The following KCNG2 variants were observed in gnomAD, a reference collection of about 807,000 sequenced individuals.
KCNG2 encodes the protein potassium voltage-gated channel modifier subfamily G member 2, also known as voltage-gated potassium channel regulatory subunit KCNG2.
In KCNG2, 7 loss-of-function variants were observed where a neutral mutation model predicts 12.3. The observed-to-expected ratio is 0.57, with a 90% CI of 0.32 to 1.07. The LOEUF (loss-of-function observed/expected upper bound fraction) is 1.07. Ranked by LOEUF, KCNG2 falls within the 50% of genes least tolerant of loss-of-function variation. The pLI, the probability that KCNG2 is intolerant of heterozygous loss-of-function variation, is 0.04. For missense variants in KCNG2, 703 were observed against 726.0 expected, an observed-to-expected ratio of 0.97 and a Z score of 0.36; for synonymous variants, 414 against 351.4, an observed-to-expected ratio of 1.18 and a Z score of -1.99.
At chr18:79,881,970 C>G (rs1324406952) in intron 3 of KCNG2, among the ~76,000 whole-genome samples, 1 of 151,922 alleles carries the variant, frequency 6.6e-6, no homozygotes, top group African/African-American at 2.4e-5. Context: ...ATCGTCTTTT[C>G]AACAAATGGG....
chr18:79,851,602 G>C (rs1452164503), intron 1 of KCNG2, among the ~76,000 whole-genome samples: 2 of 140,832 alleles, frequency 1.4e-5, no homozygotes, highest in Non-Finnish European at 3.2e-5. Context: ...GTGTGTGCAT[G>C]TGCGGGTGTG....
chr18:79,882,142 G>A (rs1446356341), intron 3 of KCNG2, among the ~76,000 whole-genome samples: 2 of 152,224 alleles, frequency 1.3e-5, no homozygotes, highest in African/African-American at 4.8e-5. Context: ...TGGAGAGTAA[G>A]GAAGGAGTTC....
In KCNG2 at chr18:79,899,889, G is replaced by A. The variant is rs1599448537; in HGVS notation, c.*73G>A. On this transcript the variant is annotated 3_prime_UTR_variant, in exon 4 of 4. Coordinates refer to ENST00000316249, the MANE Select transcript of KCNG2 (RefSeq NM_012283.2). ...GTCGGGACCCCCGAGGTGCGCCAAG[G>A]GGTGGGGGGCGTCTGGCCTGGGGGA... The A allele has an allele frequency of 8.0e-7, 1 of 1,255,878 alleles. No individual in the cohort carries two copies. Among genetic ancestry groups the A allele is most frequent in the East Asian group, 3.3e-5 (1 of 30,136 alleles). 77.8% of individuals were successfully genotyped at this position (1,255,878 alleles called of 1,614,324 possible). A position where few individuals can be genotyped will look rare whatever the true frequency, so the allele number is the denominator to read the frequency against.
At position 79,822,040 on chromosome 18, in the gene KCNG2, C is replaced by T. The variant is rs960347279; in HGVS notation, c.-115+24026C>T. On this transcript the variant is annotated intron_variant, in intron 1 of 3. Transcript: ENST00000316249. The surrounding 1 kb of genome is among the most constrained non-coding windows in gnomAD (Gnocchi z 4.4). ...TGGGTTTGTTGTGAGGAAATCCCAG[C>T]ACTGATATTTGGGGCTGGGATGTGA... 6.6e-6 allele frequency among the ~76,000 whole-genome samples: 1 copy of T among 152,168 alleles called. No homozygotes were observed. The highest frequency in any genetic ancestry group is 1.5e-5 in the Non-Finnish European group (1 of 68,028).
chr18:79,814,502 C>G (rs2087514322), intron 1 of KCNG2, among the ~76,000 whole-genome samples: 1 of 152,210 alleles, frequency 6.6e-6, no homozygotes, highest in Non-Finnish European at 1.5e-5. Flanking sequence ...TAATCAGACT[C>G]TGCCATTCCA....
intron 1 of KCNG2, among the ~76,000 whole-genome samples, chr18:79,850,840 C>G (rs1042771598): frequency 6.6e-6 from 1 of 152,220 alleles, no homozygotes; most frequent in Non-Finnish European, 1.5e-5. Flanking sequence ...AGTAAGAACT[C>G]AAACGCACGT....
rs1443900913 is a variant in KCNG2 at position 79,803,488 on chromosome 18, A to G, written c.-115+5474A>G. Among the ~76,000 whole-genome samples, 10 of 152,266 alleles carry G rather than the reference A, an allele frequency of 6.6e-5. No individual in the cohort carries two copies. The highest frequency in any genetic ancestry group is 1.7e-4 in the African/African-American group (7 of 41,474). On this transcript the variant is annotated intron_variant, in intron 1 of 3. Transcript: ENST00000316249. The surrounding 1 kb of genome is among the most constrained non-coding windows in gnomAD (Gnocchi z 4.5). ...TGGCTTCTTTAATACTTGCCAAATT[A>G]GAAACGGAAACATTCTAGGGTGAAG...
intron 3 of KCNG2, among the ~76,000 whole-genome samples, chr18:79,866,815 T>TGCTGAGGCCTGG (rs1979595461): frequency 7.2e-5 from 1 of 13,966 alleles, no homozygotes; most frequent in Non-Finnish European, 4.2e-4. Flanking sequence ...TGTGTGTCTG[T>TGCTGAGGCCTGG]GTGCTGAGAG....
chr18:79,856,745 C>A (rs1036124522), intron 2 of KCNG2, among the ~76,000 whole-genome samples: 1 of 152,110 alleles, frequency 6.6e-6, no homozygotes, highest in African/African-American at 2.4e-5. Context: ...CGCTAGGCTT[C>A]TTCGACAAAC....
intron 1 of KCNG2, among the ~76,000 whole-genome samples, chr18:79,815,763 TCCTGTCC>T (rs1395104281): frequency 6.6e-6 from 1 of 152,218 alleles, no homozygotes; most frequent in African/African-American, 2.4e-5. Context: ...AGCGTGAGTG[TCCTGTCC>T]CCTGTCCCCT....
intron 3 of KCNG2, among the ~76,000 whole-genome samples, chr18:79,891,238 A>AT (rs1035118866): frequency 3.4e-5 from 5 of 148,610 alleles, no homozygotes; most frequent in East Asian, 2.0e-4. Flanking sequence ...TTTATTTTTT[A>AT]TTTTTTTTTC....
chr18:79,808,017 C>T (rs868140049), intron 1 of KCNG2, among the ~76,000 whole-genome samples: 3 of 126,332 alleles, frequency 2.4e-5, no homozygotes, highest in Admixed American at 7.6e-5. Flanking sequence ...TGAGGAGCTG[C>T]CGGGGCCGCG....
chr18:79,882,839 C>T, intron 3 of KCNG2, among the ~76,000 whole-genome samples: 1 of 151,118 alleles, frequency 6.6e-6, no homozygotes, highest in South Asian at 2.1e-4. Context: ...CCGGGTACAC[C>T]TGCGCGTGGA....
chr18:79,847,454 T>C (rs999509050), intron 1 of KCNG2, among the ~76,000 whole-genome samples: 31 of 152,216 alleles, frequency 2.0e-4, no homozygotes, highest in Non-Finnish European at 2.1e-4. Context: ...GAAGCCCTGG[T>C]CTGGAAACCA....
chr18:79,826,264 G>A (rs921347219), intron 1 of KCNG2, among the ~76,000 whole-genome samples: 2 of 152,252 alleles, frequency 1.3e-5, no homozygotes, highest in Non-Finnish European at 1.5e-5. Flanking sequence ...GGGAAGGTGG[G>A]TCCTGCTCCC....
At chr18:79,894,795 CCATT>C (rs1980897522) in intron 3 of KCNG2, among the ~76,000 whole-genome samples, 2 of 151,464 alleles carry the variant, frequency 1.3e-5, no homozygotes, top group South Asian at 2.1e-4. Context: ...GTTGTTCACT[CCATT>C]CACATCTAAT....
At chr18:79,813,239 AC>A (rs1481220268) in intron 1 of KCNG2, among the ~76,000 whole-genome samples, 3 of 152,368 alleles carry the variant, frequency 2.0e-5, no homozygotes, top group Admixed American at 6.5e-5. Flanking sequence ...AGAACCCTCA[AC>A]AAAATATTAG....
intron 3 of KCNG2, among the ~76,000 whole-genome samples, chr18:79,868,113 C>T (rs1039684642): frequency 6.6e-6 from 1 of 152,184 alleles, no homozygotes; most frequent in Admixed American, 6.5e-5. Flanking sequence ...AGGGAAAATT[C>T]ATTTGTGTCA....
chr18:79,892,714 G>A (rs748518317), intron 3 of KCNG2, among the ~76,000 whole-genome samples: 9 of 144,232 alleles, frequency 6.2e-5, no homozygotes, highest in South Asian at 2.2e-4. Context: ...CATTGATAAC[G>A]ATTTGATATA....
Sources: gnomAD v4.1 joint callset for allele counts (sites outside exome capture counted in the v4.1 genomes callset) on GRCh38, gnomAD v4.1.1 for gene constraint, Gnocchi (gnomAD v3.1) non-coding constraint, MANE v1.5 for transcripts, NCBI Gene and HGNC (gene_info 2026-07-23, HGNC 2026-07-21) for gene names.